FAM107B: variants seen among roughly 807,000 people sequenced by gnomAD.
FAM107B encodes family with sequence similarity 107 member B, also known as protein FAM107B.
In FAM107B, 21 loss-of-function variants were observed where a neutral mutation model predicts 31.5. The ratio of observed to expected loss-of-function variants is 0.67; its 90% CI spans 0.47 to 0.96. The LOEUF (loss-of-function observed/expected upper bound fraction) is 0.96. Ranked by LOEUF, FAM107B falls within the 40% of genes least tolerant of loss-of-function variation. The pLI, the probability that FAM107B is intolerant of heterozygous loss-of-function variation, is 0.00. For missense variants in FAM107B, 452 were observed against 377.1 expected (o/e 1.20, Z -1.64); for synonymous variants, 157 against 141.5 (o/e 1.11, Z -0.78).
chr10:14,701,924 T>C (rs11259286), intron 1 of FAM107B, among the ~76,000 whole-genome samples: 37,921 of 152,138 alleles, frequency 0.25, 5,169 homozygotes, highest in Middle Eastern at 0.38. Context: ...GAAAATCTAA[T>C]AAGACAATTT....
intron 2 of FAM107B, among the ~76,000 whole-genome samples, chr10:14,535,663 G>A (rs904305909): frequency 6.6e-6 from 1 of 152,214 alleles, no homozygotes; most frequent in African/African-American, 2.4e-5. Context: ...TCAGAGTGGG[G>A]CAGGAAACAG....
chr10:14,755,829 A>G (rs753665006), intron 1 of FAM107B, among the ~76,000 whole-genome samples: 1 of 152,220 alleles, frequency 6.6e-6, no homozygotes, highest in African/African-American at 2.4e-5. Flanking sequence ...GAAACTTCTT[A>G]TCTACACCCC....
At chr10:14,652,461 G>A (rs930426734) in intron 2 of FAM107B, among the ~76,000 whole-genome samples, 1 of 152,236 alleles carries the variant, frequency 6.6e-6, no homozygotes, top group African/African-American at 2.4e-5. Context: ...AACCAGGCCT[G>A]GACTGAGTCC....
chr10:14,665,494 G>A (rs1293086374), intron 2 of FAM107B, among the ~76,000 whole-genome samples: 1 of 152,228 alleles, frequency 6.6e-6, no homozygotes. Flanking sequence ...ACTATGCCAA[G>A]AGAGCAAATA....
intron 1 of FAM107B, among the ~76,000 whole-genome samples, chr10:14,734,493 T>TTG (rs1856251562): frequency 4.0e-5 from 6 of 151,864 alleles, no homozygotes; most frequent in African/African-American, 1.2e-4. Flanking sequence ...GTGAGGTTTT[T>TTG]TTTTTTTTTT....
intron 1 of FAM107B, among the ~76,000 whole-genome samples, chr10:14,752,727 T>C (rs1340190561): frequency 6.6e-6 from 1 of 150,902 alleles, no homozygotes; most frequent in Non-Finnish European, 1.5e-5. Flanking sequence ...GCCACAGGAG[T>C]TCAAGACCAG....
intron 2 of FAM107B, among the ~76,000 whole-genome samples, chr10:14,586,630 G>GC (rs993501778): frequency 2.6e-5 from 4 of 152,152 alleles, no homozygotes; most frequent in African/African-American, 9.7e-5. Context: ...CACGAAGGGA[G>GC]CCCTCACCAG....
intron 1 of FAM107B, among the ~76,000 whole-genome samples, chr10:14,721,307 C>T (rs575173727): frequency 1.3e-5 from 2 of 152,220 alleles, no homozygotes; most frequent in East Asian, 1.9e-4. Context: ...TATAAACATA[C>T]GTTTGCATGT....
At position 14,774,863 on chromosome 10, in the gene FAM107B, G is replaced by A; in HGVS notation, c.-200C>T. On this transcript the variant is annotated 5_prime_UTR_variant, in exon 1 of 5. Coordinates refer to ENST00000181796, the MANE Select transcript of FAM107B (RefSeq NM_031453.4). ...TAGCCGCTGGGGCCCCTTTGAAAGTGTCCATCCTGGGCAATTTCGCGCTCT... is the reference window on the plus strand; with the variant it reads ...TAGCCGCTGGGGCCCCTTTGAAAGTATCCATCCTGGGCAATTTCGCGCTCT... The A allele has an allele frequency of 1.7e-6, 1 of 601,600 alleles. No individual in the cohort carries two copies. Among genetic ancestry groups the A allele is most frequent in the Non-Finnish European group, 2.9e-6 (1 of 345,552 alleles). The allele number at this position is 601,600 out of a possible 1,614,324, so 37.3% of individuals were successfully genotyped here. A position where few individuals can be genotyped will look rare whatever the true frequency, so the allele number is the denominator to read the frequency against.
chr10:14,535,294 T>C (rs1056726207), intron 2 of FAM107B, among the ~76,000 whole-genome samples: 2 of 152,178 alleles, frequency 1.3e-5, no homozygotes, highest in Admixed American at 1.3e-4. Context: ...AGCTCTCCTA[T>C]GTGTAAAATG....
At chr10:14,543,379 G>A (rs771153875) in intron 2 of FAM107B, among the ~76,000 whole-genome samples, 3 of 152,098 alleles carry the variant, frequency 2.0e-5, no homozygotes, top group Non-Finnish European at 4.4e-5. Flanking sequence ...CTTCATCCAA[G>A]GCCACTCTGA....
rs537082331 is a variant in FAM107B at position 14,691,547 on chromosome 10, T to C, written c.412-23856A>G. Among the ~76,000 whole-genome samples, 5 of 152,206 alleles carry C rather than the reference T, an allele frequency of 3.3e-5. No individual in the cohort carries two copies. In the East Asian group the frequency reaches 9.7e-4, roughly 29 times the overall value. On this transcript the variant is annotated intron_variant, in intron 1 of 4. Coordinates refer to ENST00000181796, the MANE Select transcript of FAM107B (RefSeq NM_031453.4). ...ATTGAATTTATCTTTACGACAACCC[T>C]ATAAAACAGGCCTTATCTTCCTCCT...
At chr10:14,564,554 G>C (rs1177010360) in intron 2 of FAM107B, among the ~76,000 whole-genome samples, 1 of 151,052 alleles carries the variant, frequency 6.6e-6, no homozygotes, top group African/African-American at 2.4e-5. Context: ...TTTTGCTGTG[G>C]TAAGGGCAAA....
intron 4 of FAM107B, among the ~76,000 whole-genome samples, chr10:14,521,653 T>C (rs1358122588): frequency 6.6e-6 from 1 of 152,194 alleles, no homozygotes; most frequent in African/African-American, 2.4e-5. Flanking sequence ...ATGTCCCTGT[T>C]TTGCTTTTGC....
rs186225838 is a variant in FAM107B at position 14,718,097 on chromosome 10, C to T, written c.412-50406G>A. On this transcript the variant is annotated intron_variant, in intron 1 of 4. Transcript: ENST00000181796. ...ATCCTAACACTTTGGGAGGCCAAGG[C>T]GGGCAGATCACTTGAGGTCAGGAGT... 2.5e-3 allele frequency among the ~76,000 whole-genome samples: 379 copies of T among 152,242 alleles called. 6 individuals are homozygous for T. The highest frequency in any genetic ancestry group is 0.02 in the Admixed American group (313 of 15,280).
intron 1 of FAM107B, among the ~76,000 whole-genome samples, chr10:14,742,576 C>T (rs12251835): frequency 0.039 from 5,940 of 152,178 alleles, 404 homozygotes; most frequent in African/African-American, 0.14. Context: ...TCGTGAAATG[C>T]CTGCTGGATG....
chr10:14,594,002 C>G (rs1391789261), intron 2 of FAM107B, among the ~76,000 whole-genome samples: 1 of 152,144 alleles, frequency 6.6e-6, no homozygotes, highest in South Asian at 2.1e-4. Context: ...AGGGTAACAG[C>G]CTTGGGGCAC....
At chr10:14,654,663 C>A (rs150026275) in intron 2 of FAM107B, among the ~76,000 whole-genome samples, 5 of 152,174 alleles carry the variant, frequency 3.3e-5, no homozygotes, top group African/African-American at 1.2e-4. Context: ...TAGGGTAATT[C>A]AAAAATAAAT....
intron 2 of FAM107B, among the ~76,000 whole-genome samples, chr10:14,551,714 A>C (rs570092342): frequency 2.0e-5 from 3 of 151,886 alleles, no homozygotes; most frequent in East Asian, 3.9e-4. Context: ...CTGTATTACC[A>C]TTACTATAAA....
Sources: allele counts gnomAD v4.1 joint callset (sites outside exome capture counted in the v4.1 genomes callset), GRCh38; gene constraint gnomAD v4.1.1; transcripts MANE v1.5; gene names NCBI Gene and HGNC (gene_info 2026-07-23, HGNC 2026-07-21).